ALOXE3: variants seen among roughly 807,000 people sequenced by gnomAD.
ALOXE3 encodes hydroperoxide isomerase ALOXE3.
Under a neutral mutation model 87.5 loss-of-function variants are expected in ALOXE3, and 78 were observed. That is an observed-to-expected ratio of 0.89 (90% CI 0.74 to 1.08). The LOEUF is 1.08. ALOXE3 is among the 50% of genes least tolerant of loss of function. The pLI, the probability that ALOXE3 is intolerant of heterozygous loss-of-function variation, is 0.00. For missense variants in ALOXE3, 946 were observed against 912.4 expected, an observed-to-expected ratio of 1.04 and a Z score of -0.47; for synonymous variants, 363 against 370.8, an observed-to-expected ratio of 0.98 and a Z score of 0.24.
chr17:8,114,623 G>A lies in ALOXE3; in HGVS notation c.555-14C>T, dbSNP rs116310580. 6.2e-7 allele frequency: 1 copy of A among 1,613,910 alleles called. No individual in the cohort carries two copies. Among genetic ancestry groups the A allele is most frequent in the Non-Finnish European group, 8.5e-7 (1 of 1,179,960 alleles). On this transcript the variant is annotated splice_polypyrimidine_tract_variant and intron_variant, in intron 5 of 15. Transcript: ENST00000448843. ...CGATTCCCACTGCTGGGGGTCGGGGGAGTAGAAAGACAGAAACCAGTCAGT... is the reference window on the plus strand; with the variant it reads ...CGATTCCCACTGCTGGGGGTCGGGGAAGTAGAAAGACAGAAACCAGTCAGT...
At chr17:8,108,064 A>AAAGAAAGAAAGG (rs1555647186) in intron 13 of ALOXE3, among the ~76,000 whole-genome samples, 2 of 149,332 alleles carry the variant, frequency 1.3e-5, no homozygotes, top group Non-Finnish European at 3.0e-5. Flanking sequence ...AGAAAGAAAG[A>AAAGAAAGAAAGG]AAGGAAGAGA....
Position 8,103,320 on chromosome 17 carries a change from C to A in ALOXE3, c.1956+3G>T. 6.2e-7 allele frequency: 1 copy of A among 1,613,786 alleles called. No individual in the cohort carries two copies. Among genetic ancestry groups the A allele is most frequent in the Non-Finnish European group, 8.5e-7 (1 of 1,179,820 alleles). On this transcript the variant is annotated splice_donor_region_variant and intron_variant, in intron 15 of 15. Transcript: ENST00000448843. ...TACTCCCCTCAACATCCCGTATACA[C>A]ACCTGGTCCTTGGGTTCTTGGCTAA...
rs752601637 is a variant in ALOXE3, at chr17:8,114,958, A to G, written c.534T>C (p.Thr178=). 101 of 1,613,864 alleles carry G rather than the reference A, an allele frequency of 6.3e-5. No individual in the cohort carries two copies. Among genetic ancestry groups the G allele is most frequent in the Non-Finnish European group, 8.3e-5 (98 of 1,180,008 alleles). The change falls in exon 5 of 16, where the codon ACT becomes ACC. Residue 178 remains threonine, a synonymous_variant. Coordinates refer to ENST00000448843, the MANE Select transcript of ALOXE3 (RefSeq NM_021628.3). ...TTCACCTGTCACCCTGGTCTACACA[A>G]GTTGTCGTCTTTGTCAAGGCAAATT... ...DKKFALTKTT[T]CVDQGDSSGN...
rs1979804014 is a variant in ALOXE3, at chr17:8,109,320, G to A, written c.1416C>T (p.Gly472=). The change falls in exon 12 of 16, where the codon GGC becomes GGT. Residue 472 remains glycine, a synonymous_variant. Transcript: ENST00000448843. ...GGCCCGTGCTCATGAGGTAGATGAG[G>A]CCTTGCCTCCCGATGGACGTGACCT... ...VDQVTSIGRQ[G]LIYLMSTGLA... 6.2e-7 allele frequency: 1 copy of A among 1,613,898 alleles called. No individual in the cohort carries two copies. The highest frequency in any genetic ancestry group is 1.7e-5 in the Admixed American group (1 of 60,010).
Position 8,117,949 on chromosome 17 carries a change from CAGGT to C in ALOXE3, c.38_41del (p.Tyr13Ter), listed in dbSNP as rs769980324. The C allele has an allele frequency of 8.1e-6, 13 of 1,612,170 alleles. No homozygotes were observed. Among genetic ancestry groups the C allele is most frequent in the Non-Finnish European group, 8.5e-6 (10 of 1,179,696 alleles). ...AGATGTTGTCCAGTGTGCCGGCCCTCAGGTAGGGACCAGTGGTCACACACAGGCG... is the reference window on the plus strand; with the variant it reads ...AGATGTTGTCCAGTGTGCCGGCCCTCAGGGACCAGTGGTCACACACAGGCG... On this transcript the variant is annotated frameshift_variant, in exon 2 of 16. Transcript: ENST00000448843. LOFTEE classifies it high-confidence loss of function.
rs546195258 is a variant in ALOXE3, at chr17:8,110,418, G to C, written c.1068C>G (p.Ser356Arg). 63 of 1,611,158 alleles carry C rather than the reference G, an allele frequency of 3.9e-5. 1 individual carries two copies. In the South Asian group the frequency reaches 6.8e-4, roughly 17 times the overall value. Residue 356 changes from serine to arginine, a missense_variant, in exon 9 of 16, where the codon AGC becomes AGG. Transcript: ENST00000448843. ...CCAAGGGCACCAGCGCCCCCTGGGG[G>C]CTGAGCCACAGCAGGCACAGTGGGG... ...VAAPLCLLWL[S>R]PQGALVPLAI...
At chr17:8,117,064 A>G (rs1980665455) in intron 2 of ALOXE3, 84 bp from the exon 3 acceptor site, 1 of 1,277,290 alleles carries the variant, frequency 7.8e-7, no homozygotes, top group Non-Finnish European at 1.1e-6. Context: ...ATCTACACCT[A>G]AGCCTATTCG....
intron 15 of ALOXE3, among the ~76,000 whole-genome samples, chr17:8,102,220 C>T (rs1305543392): frequency 6.6e-6 from 1 of 152,170 alleles, no homozygotes; most frequent in East Asian, 1.9e-4. Context: ...GGCGGCCGTG[C>T]GCGGTGGCTC....
chr17:8,103,967 C>T, intron 14 of ALOXE3, 148 bp downstream of exon 14: 1 of 704,128 alleles, frequency 1.4e-6, no homozygotes. Context: ...CCAATGCCAA[C>T]CCTTCACCCC....
chr17:8,118,843 C>G (rs1429536432), upstream of ALOXE3: 38 of 1,535,220 alleles, frequency 2.5e-5, no homozygotes, highest in East Asian at 8.6e-4. Flanking sequence ...TGTCCGGGAT[C>G]TGGGCCACTA....
chr17:8,116,673 T>G, intron 3 of ALOXE3, 103 bp downstream of exon 3: 1 of 1,379,584 alleles, frequency 7.2e-7, no homozygotes, highest in Non-Finnish European at 1.0e-6. Flanking sequence ...CCAGAGTTTC[T>G]GACCTCAATC....
chr17:8,103,991 T>A (rs1346205415), intron 14 of ALOXE3, 124 bp downstream of exon 14: 1 of 833,280 alleles, frequency 1.2e-6, no homozygotes, highest in African/African-American at 1.7e-5. Context: ...CAGCTGCCAC[T>A]CCAACCCCAA....
At chr17:8,113,899 C>A (rs1319846329) in intron 6 of ALOXE3, among the ~76,000 whole-genome samples, 1 of 150,982 alleles carries the variant, frequency 6.6e-6, no homozygotes, top group Non-Finnish European at 1.5e-5. Flanking sequence ...GTGGCACCTG[C>A]CTGTAGTCCC....
intron 12 of ALOXE3, 128 bp from the exon 13 acceptor site, chr17:8,108,717 G>A (rs1318063216): frequency 4.3e-6 from 6 of 1,398,682 alleles, no homozygotes; most frequent in African/African-American, 1.4e-5. Context: ...GGACCCCCAG[G>A]TGCAGCTGGA....
rs145695120 is a variant in ALOXE3 at position 8,109,297 on chromosome 17, C to A, written c.1439G>T (p.Gly480Val). The A allele has an allele frequency of 2.8e-5, 45 of 1,614,010 alleles. No homozygotes were observed. Among genetic ancestry groups the A allele is most frequent in the Non-Finnish European group, 3.6e-5 (43 of 1,180,052 alleles). The part of the protein sequence containing the change: ...RQGLIYLMST[G>V]LAHFTYTNFC... Reference sequence around the variant, plus strand: ...ATTGGTGTAGGTGAAGTGGGCCAGGCCCGTGCTCATGAGGTAGATGAGGCC... The same window carrying A: ...ATTGGTGTAGGTGAAGTGGGCCAGGACCGTGCTCATGAGGTAGATGAGGCC... The change falls in exon 12 of 16, where the codon GGC becomes GTC. Residue 480 changes from glycine to valine, a missense_variant. Transcript: ENST00000448843.
intron 6 of ALOXE3, among the ~76,000 whole-genome samples, chr17:8,114,004 G>A (rs889197000): frequency 4.7e-5 from 7 of 147,938 alleles, no homozygotes; most frequent in South Asian, 2.1e-4. Flanking sequence ...CAGCCTGGGC[G>A]ACAGGAGTGA....
Position 8,096,541 on chromosome 17 carries a change from G to C in ALOXE3, c.*86C>G. The stretch of plus-strand genomic sequence containing the variant: ...AAGGTTCAGGTGAACTGAGAACAGG[G>C]AGGATGGAAGGGTCTGGAGGACCTG... On this transcript the variant is annotated 3_prime_UTR_variant, in exon 16 of 16. Coordinates refer to ENST00000448843, the MANE Select transcript of ALOXE3 (RefSeq NM_021628.3). 1 of 784,692 alleles carries C rather than the reference G, an allele frequency of 1.3e-6. No homozygotes were observed. The highest frequency in any genetic ancestry group is 2.3e-6 in the Non-Finnish European group (1 of 425,818). 48.6% of individuals were successfully genotyped at this position (784,692 alleles called of 1,614,324 possible).
rs1421384447 is a variant in ALOXE3 at position 8,114,734 on chromosome 17, GC to G, written c.555-126del. ...CTCTCTTACTCCCGGCTCCTCCCCT[GC>G]CCTCTCTGCTCCTGAGCTAAAATAA... On this transcript the variant is annotated intron_variant, in intron 5 of 15. Coordinates refer to ENST00000448843, the MANE Select transcript of ALOXE3 (RefSeq NM_021628.3). 24 of 1,490,942 alleles carry G rather than the reference GC, an allele frequency of 1.6e-5. No homozygotes were observed. The Admixed American group carries it at 3.7e-4, about 23-fold the overall frequency. 92.4% of individuals were successfully genotyped at this position (1,490,942 alleles called of 1,614,324 possible).
At chr17:8,101,907 T>C (rs1978946159) in intron 15 of ALOXE3, among the ~76,000 whole-genome samples, 1 of 152,172 alleles carries the variant, frequency 6.6e-6, no homozygotes, top group Non-Finnish European at 1.5e-5. Context: ...CCCAAAGTGC[T>C]GGGATTGCAG....
Sources: allele counts gnomAD v4.1 joint callset (sites outside exome capture counted in the v4.1 genomes callset), GRCh38; gene constraint gnomAD v4.1.1; transcripts MANE v1.5; gene names NCBI Gene and HGNC (gene_info 2026-07-23, HGNC 2026-07-21).